The following AKAP9 variants were observed in gnomAD, a reference collection of about 807,000 sequenced individuals.
The protein encoded by AKAP9 is A-kinase anchor protein 9.
In AKAP9, 311 loss-of-function variants were observed where a neutral mutation model predicts 488.5. That is an observed-to-expected ratio of 0.64 (90% CI 0.58 to 0.70). The LOEUF is 0.70. Ranked by LOEUF, AKAP9 falls within the 30% of genes least tolerant of loss-of-function variation. AKAP9 has a pLI of 0.00. For missense variants in AKAP9, 4,215 were observed against 4,374.5 expected (o/e 0.96, Z 1.03); for synonymous variants, 1,462 against 1,483.5 (o/e 0.99, Z 0.33).
In AKAP9 at chr7:92,102,633, A is replaced by T; in HGVS notation, c.11137A>T (p.Lys3713Ter). The change falls in exon 46 of 50, where the codon AAG (lysine) becomes TAG (stop). Residue 3713 changes from lysine to a stop codon, truncating the protein, a stop_gained. Transcript: ENST00000356239. LOFTEE classifies it high-confidence loss of function. ...GKYLRAESFR[K>*]ALIYQKKYLL... is the part of the protein sequence containing the mutation. ...ATACTTGAGGGCAGAAAGTTTTCGAAAGGCTCTCATTTACCAGAAGAAATA... is the reference window on the plus strand; with the variant it reads ...ATACTTGAGGGCAGAAAGTTTTCGATAGGCTCTCATTTACCAGAAGAAATA... 2 of 1,614,200 alleles carry T rather than the reference A, an allele frequency of 1.2e-6. No individual in the cohort carries two copies. Among genetic ancestry groups the T allele is most frequent in the Non-Finnish European group, 1.7e-6 (2 of 1,180,030 alleles).
intron 1 of AKAP9, among the ~76,000 whole-genome samples, chr7:91,965,132 G>A (rs1794275386): frequency 6.6e-6 from 1 of 152,022 alleles, no homozygotes; most frequent in African/African-American, 2.4e-5. Flanking sequence ...CAAACACTAG[G>A]TTTTATTTCT....
At chr7:92,054,050 A>C (rs1312193276) in intron 22 of AKAP9, among the ~76,000 whole-genome samples, 1 of 152,148 alleles carries the variant, frequency 6.6e-6, no homozygotes, top group African/African-American at 2.4e-5. Context: ...TATAAAAATG[A>C]AGTATTTCTT....
intron 16 of AKAP9, among the ~76,000 whole-genome samples, chr7:92,036,055 T>C (rs1198932778): frequency 6.6e-6 from 1 of 151,902 alleles, no homozygotes; most frequent in Non-Finnish European, 1.5e-5. Context: ...GTAAACTATG[T>C]TTTTTAGTTG....
chr7:91,998,015 G>A (rs1039850971), intron 7 of AKAP9, among the ~76,000 whole-genome samples: 1 of 152,118 alleles, frequency 6.6e-6, no homozygotes, highest in African/African-American at 2.4e-5. Context: ...GGCCAGTTTC[G>A]TGGAAGACAC....
chr7:91,949,614 T>G (rs1562882402), intron 1 of AKAP9, among the ~76,000 whole-genome samples: 1 of 152,232 alleles, frequency 6.6e-6, no homozygotes, highest in Non-Finnish European at 1.5e-5. Flanking sequence ...TTTTATTTTT[T>G]GTCTTAGTCA....
chr7:91,998,814 A>G (rs1475361553), intron 7 of AKAP9, among the ~76,000 whole-genome samples: 1 of 152,182 alleles, frequency 6.6e-6, no homozygotes, highest in Non-Finnish European at 1.5e-5. Flanking sequence ...ACACTCGTAT[A>G]TATTAATAGT....
chr7:92,012,850 A>G (rs1432086143), intron 9 of AKAP9, among the ~76,000 whole-genome samples: 1 of 152,190 alleles, frequency 6.6e-6, no homozygotes, highest in African/African-American at 2.4e-5. Flanking sequence ...GCGAAAGCAT[A>G]TATAAAATAA....
At chr7:91,962,963 CT>C (rs1167973756) in intron 1 of AKAP9, among the ~76,000 whole-genome samples, 1 of 152,072 alleles carries the variant, frequency 6.6e-6, no homozygotes, top group Non-Finnish European at 1.5e-5. Context: ...CACCTTTGCC[CT>C]GATATATTTT....
At chr7:91,976,867 T>G (rs1381160361) in intron 2 of AKAP9, among the ~76,000 whole-genome samples, 1 of 152,214 alleles carries the variant, frequency 6.6e-6, no homozygotes, top group Non-Finnish European at 1.5e-5. Context: ...ATATTCTTCA[T>G]TTGGTGAGGT....
chr7:92,019,784 G>A (rs1027104033), intron 12 of AKAP9, among the ~76,000 whole-genome samples: 3 of 151,854 alleles, frequency 2.0e-5, no homozygotes, highest in African/African-American at 7.3e-5. Flanking sequence ...AAGGTGGGCC[G>A]ATCACCTGAG....
intron 5 of AKAP9, among the ~76,000 whole-genome samples, chr7:91,993,552 C>A (rs28606023): frequency 2.0e-5 from 3 of 152,046 alleles, no homozygotes; most frequent in Non-Finnish European, 4.4e-5. Flanking sequence ...CTTGAGCCCA[C>A]GAGTTCAAGT....
At position 92,083,280 on chromosome 7, in the gene AKAP9, G is replaced by A. The variant is rs1017997689; in HGVS notation, c.8271G>A (p.Glu2757=). 8 of 1,614,064 alleles carry A rather than the reference G, an allele frequency of 5.0e-6. No individual in the cohort carries two copies. Among genetic ancestry groups the A allele is most frequent in the South Asian group, 4.4e-5 (4 of 91,078 alleles). ...LSILEKEDET[E]VQESKKACMF... The stretch of plus-strand genomic sequence containing the variant: ...TTTTAGAAAAAGAAGATGAGACTGA[G>A]GTACAAGAAAGCAAAAAGGCCTGCA... Residue 2757 remains glutamate (E), a synonymous_variant, in exon 33 of 50, where the codon GAG becomes GAA. Coordinates refer to ENST00000356239, the MANE Select transcript of AKAP9 (RefSeq NM_005751.5).
At chr7:92,051,196 T>G (rs1192517537) in intron 21 of AKAP9, among the ~76,000 whole-genome samples, 2 of 152,160 alleles carry the variant, frequency 1.3e-5, no homozygotes, top group Non-Finnish European at 2.9e-5. Context: ...CACCACTATT[T>G]CTCCATGTCC....
At chr7:92,099,445 T>C (rs999118184) in intron 43 of AKAP9, among the ~76,000 whole-genome samples, 4 of 152,194 alleles carry the variant, frequency 2.6e-5, no homozygotes, top group African/African-American at 9.7e-5. Flanking sequence ...AGTGAAGCAA[T>C]CTAGACTTAC....
chr7:92,082,833 T>C lies in AKAP9; in HGVS notation c.8160+171T>C, dbSNP rs549384757. ...GTTATAAATTTCTTTACCAACATCTTCTTGCTTGGTTTTCCTGGAAATCTT... is the reference window on the plus strand; with the variant it reads ...GTTATAAATTTCTTTACCAACATCTCCTTGCTTGGTTTTCCTGGAAATCTT... On this transcript the variant is annotated intron_variant, in intron 32 of 49. Coordinates refer to ENST00000356239, the MANE Select transcript of AKAP9 (RefSeq NM_005751.5). 9.2e-5 allele frequency among the ~76,000 whole-genome samples: 14 copies of C among 152,354 alleles called. No individual in the cohort carries two copies. In the South Asian group the frequency reaches 2.9e-3, roughly 32 times the overall value.
chr7:91,976,344 G>A (rs997215007), intron 2 of AKAP9, among the ~76,000 whole-genome samples: 7 of 152,064 alleles, frequency 4.6e-5, no homozygotes, highest in African/African-American at 9.7e-5. Flanking sequence ...ACCTCAGCCC[G>A]ACAAGTAGCT....
intron 2 of AKAP9, among the ~76,000 whole-genome samples, chr7:91,976,195 C>CT (rs1478293635): frequency 6.6e-6 from 1 of 151,796 alleles, no homozygotes; most frequent in East Asian, 1.9e-4. Context: ...AGTGCTGGGA[C>CT]TACGGGCATT....
rs761717651 is a variant in AKAP9, at chr7:91,992,984, C to T, written c.505C>T (p.His169Tyr). Residue 169 changes from histidine to tyrosine, a missense_variant, in exon 5 of 50, where the codon CAT becomes TAT. This residue lies in a region of AKAP9 where 2,361 missense variants were observed against 2,430.0 expected (regional missense o/e 0.97). Coordinates refer to ENST00000356239, the MANE Select transcript of AKAP9 (RefSeq NM_005751.5). ...GGAAAGTGAGTTGGCTGGGAAGCAG[C>T]ATGAGATTGAAGAGCTAAACAGAGA... is the stretch of plus-strand genomic sequence containing the variant. ...MMESELAGKQHEIEELNRELE... is the reference protein window; with the variant it reads ...MMESELAGKQYEIEELNRELE... 6.2e-7 allele frequency: 1 copy of T among 1,613,992 alleles called. No homozygotes were observed. The highest frequency in any genetic ancestry group is 1.1e-5 in the South Asian group (1 of 91,084).
At chr7:91,964,202 A>G (rs1054710647) in intron 1 of AKAP9, among the ~76,000 whole-genome samples, 1 of 152,234 alleles carries the variant, frequency 6.6e-6, no homozygotes, top group Non-Finnish European at 1.5e-5. Flanking sequence ...GTACAATGTT[A>G]TTAAAATTCA....
Sources: allele counts gnomAD v4.1 joint callset (sites outside exome capture counted in the v4.1 genomes callset), GRCh38; gene constraint gnomAD v4.1.1; regional missense constraint gnomAD v4.1.1; transcripts MANE v1.5; gene names NCBI Gene and HGNC (gene_info 2026-07-23, HGNC 2026-07-21).